ELP4: variants seen among roughly 807,000 people sequenced by gnomAD.
ELP4 encodes elongator complex protein 4.
Under a neutral mutation model 48.9 loss-of-function variants are expected in ELP4, and 51 were observed. The ratio of observed to expected loss-of-function variants is 1.04; its 90% CI spans 0.83 to 1.32. The LOEUF is 1.32. Among genes scored for constraint, ELP4 ranks in the 40% most tolerant of loss-of-function variants. The probability of loss-of-function intolerance (pLI) is 0.00; values close to 1 mark genes in which losing one functional copy is unlikely to be tolerated. For synonymous variants in ELP4, 210 were observed against 189.2 expected, an observed-to-expected ratio of 1.11 and a Z score of -0.90; for missense variants, 519 against 514.6, an observed-to-expected ratio of 1.01 and a Z score of -0.08.
chr11:31,711,098 A>C (rs976661816), intron 9 of ELP4, among the ~76,000 whole-genome samples: 2 of 152,254 alleles, frequency 1.3e-5, no homozygotes, highest in African/African-American at 4.8e-5. Context: ...AGACTCTGTT[A>C]CACTCTAACT....
chr11:31,547,308 C>T (rs1294278112), intron 3 of ELP4, among the ~76,000 whole-genome samples: 3 of 151,988 alleles, frequency 2.0e-5, no homozygotes, highest in Non-Finnish European at 4.4e-5. Context: ...GGGGATATCA[C>T]CACCGATCCC....
At chr11:31,759,880 T>G (rs1947909824) in intron 9 of ELP4, among the ~76,000 whole-genome samples, 1 of 152,070 alleles carries the variant, frequency 6.6e-6, no homozygotes. Flanking sequence ...CTAATTTTTG[T>G]ATTTTTAGCA....
At chr11:31,776,268 A>G (rs1948245855) in intron 9 of ELP4, among the ~76,000 whole-genome samples, 1 of 151,854 alleles carries the variant, frequency 6.6e-6, no homozygotes, top group Non-Finnish European at 1.5e-5. Context: ...ATCAGGACCT[A>G]GGGCAGGGGC....
At chr11:31,709,105 A>C (rs545845218) in intron 9 of ELP4, among the ~76,000 whole-genome samples, 1 of 152,204 alleles carries the variant, frequency 6.6e-6, no homozygotes, top group South Asian at 2.1e-4. Flanking sequence ...CTGTCATTGA[A>C]TATTTTTGGT....
intron 7 of ELP4, among the ~76,000 whole-genome samples, chr11:31,640,887 G>A (rs917826742): frequency 2.0e-5 from 3 of 151,904 alleles, no homozygotes; most frequent in African/African-American, 7.2e-5. Flanking sequence ...GGCAGGCAAG[G>A]ATTCCTGGGA....
chr11:31,597,847 G>A (rs1957701043), intron 4 of ELP4, among the ~76,000 whole-genome samples: 1 of 151,862 alleles, frequency 6.6e-6, no homozygotes, highest in Non-Finnish European at 1.5e-5. Context: ...GATTCCAGGT[G>A]TGAGCCACTG....
chr11:31,612,861 G>A (rs1010020666), intron 5 of ELP4, among the ~76,000 whole-genome samples: 2 of 152,146 alleles, frequency 1.3e-5, no homozygotes, highest in African/African-American at 4.8e-5. Flanking sequence ...AAGAAGCATG[G>A]ATTTGTTTGT....
At chr11:31,680,502 G>A (rs770248733) in intron 9 of ELP4, among the ~76,000 whole-genome samples, 4 of 152,114 alleles carry the variant, frequency 2.6e-5, no homozygotes, top group Non-Finnish European at 5.9e-5. Context: ...TTTGAGTTTC[G>A]GATAGGGGTT....
intron 3 of ELP4, among the ~76,000 whole-genome samples, chr11:31,579,358 A>G (rs183421116): frequency 6.6e-6 from 1 of 152,338 alleles, no homozygotes. Flanking sequence ...TAGTTCAACC[A>G]TTGTGGAAGA....
At chr11:31,566,287 G>A (rs191283296) in intron 3 of ELP4, among the ~76,000 whole-genome samples, 18 of 152,078 alleles carry the variant, frequency 1.2e-4, no homozygotes, top group Non-Finnish European at 2.4e-4. Context: ...GAACCCGGGA[G>A]GCAGAGGTTG....
chr11:31,753,666 TAAG>T (rs545769570), intron 9 of ELP4, among the ~76,000 whole-genome samples: 8 of 152,050 alleles, frequency 5.3e-5, no homozygotes, highest in Non-Finnish European at 1.2e-4. Flanking sequence ...AGCACATAAA[TAAG>T]AAGAAAAGTA....
chr11:31,658,737 T>C (rs1351084248), intron 9 of ELP4, among the ~76,000 whole-genome samples: 1 of 152,016 alleles, frequency 6.6e-6, no homozygotes, highest in Non-Finnish European at 1.5e-5. Context: ...TTACATTTGT[T>C]ATTTTCGGAG....
chr11:31,594,597 A>G (rs1026347716), intron 3 of ELP4, among the ~76,000 whole-genome samples, 173 bp from the exon 4 acceptor site: 10 of 152,084 alleles, frequency 6.6e-5, no homozygotes, highest in African/African-American at 2.4e-4. Flanking sequence ...TGTTTGTATT[A>G]TACTTGTTTT....
rs1165623855 is a variant in ELP4 at position 31,547,984 on chromosome 11, T to C, written c.381+8201T>C. Reference sequence around the variant, plus strand: ...ATAAATTAGGTATTGATGGGACATATCTCAAAATAATAAGAGCTATCTATG... The same window carrying C: ...ATAAATTAGGTATTGATGGGACATACCTCAAAATAATAAGAGCTATCTATG... On this transcript the variant is annotated intron_variant, in intron 3 of 9. Transcript: ENST00000640961. Among the ~76,000 whole-genome samples, 41 of 150,804 alleles carry C rather than the reference T, an allele frequency of 2.7e-4. No homozygotes were observed. The East Asian group carries it at 3.4e-3, about 13-fold the overall frequency.
chr11:31,723,973 G>C (rs1465624488), intron 9 of ELP4, among the ~76,000 whole-genome samples: 1 of 152,104 alleles, frequency 6.6e-6, no homozygotes, highest in Non-Finnish European at 1.5e-5. Context: ...TATGTGAAAG[G>C]CCTGGAGATA....
intron 9 of ELP4, chr11:31,763,584 A>G: frequency 6.5e-7 from 1 of 1,549,748 alleles, no homozygotes; most frequent in African/African-American, 1.4e-5. Context: ...TAAAGCTTCT[A>G]CTGAAAGAGG....
chr11:31,747,920 C>T (rs1947632282), intron 9 of ELP4, among the ~76,000 whole-genome samples: 1 of 152,102 alleles, frequency 6.6e-6, no homozygotes, highest in East Asian at 1.9e-4. Flanking sequence ...GTCATGAAAG[C>T]CTTTTTAGTG....
rs149758234 is a variant in ELP4, at chr11:31,636,818, A to G, written c.927+4413A>G. On this transcript the variant is annotated intron_variant, in intron 7 of 9. Coordinates refer to ENST00000640961, the MANE Select transcript of ELP4 (RefSeq NM_019040.5). ...AAAATGGCAAGCATACTTTGGAACGAGTATATAAAAATAAATTCTAAATAT... is the reference window on the plus strand; with the variant it reads ...AAAATGGCAAGCATACTTTGGAACGGGTATATAAAAATAAATTCTAAATAT... Among the ~76,000 whole-genome samples the G allele has an allele frequency of 4.4e-3, 662 of 152,114 alleles. 8 individuals carry two copies. Among genetic ancestry groups the G allele is most frequent in the African/African-American group, 0.015 (639 of 41,540 alleles).
chr11:31,639,398 CAAAT>C lies in ELP4; in HGVS notation c.927+6995_927+6998del, dbSNP rs1945042485. Among the ~76,000 whole-genome samples, 3 of 151,794 alleles carry C rather than the reference CAAAT, an allele frequency of 2.0e-5. No homozygotes were observed. The South Asian group carries it at 6.2e-4, about 31-fold the overall frequency. On this transcript the variant is annotated intron_variant, in intron 7 of 9. Transcript: ENST00000640961. ...CAGAATCTGTTTTTCTTTAAAATAA[CAAAT>C]AGTCTGTGTTTCAGTCCTTCTACCA... is the stretch of plus-strand genomic sequence containing the variant.
Sources: allele counts gnomAD v4.1 joint callset (sites outside exome capture counted in the v4.1 genomes callset), GRCh38; gene constraint gnomAD v4.1.1; transcripts MANE v1.5; gene names NCBI Gene and HGNC (gene_info 2026-07-23, HGNC 2026-07-21).